The following CAMK2D variants were observed in gnomAD, a reference collection of about 807,000 sequenced individuals.
CAMK2D encodes the protein calcium/calmodulin-dependent protein kinase type II subunit delta.
In CAMK2D, 37 loss-of-function variants were observed where a neutral mutation model predicts 84.0. The ratio of observed to expected loss-of-function variants is 0.44; its 90% CI spans 0.34 to 0.58. CAMK2D has a LOEUF of 0.58. Ranked by LOEUF, CAMK2D falls within the 20% of genes least tolerant of loss-of-function variation. The pLI is 0.02. For synonymous variants in CAMK2D, 202 were observed against 212.5 expected, an observed-to-expected ratio of 0.95 and a Z score of 0.43; for missense variants, 448 against 652.5, an observed-to-expected ratio of 0.69 and a Z score of 3.41.
intron 4 of CAMK2D, among the ~76,000 whole-genome samples, chr4:113,587,738 G>C (rs979156696): frequency 2.6e-5 from 4 of 152,054 alleles, no homozygotes; most frequent in African/African-American, 9.7e-5. Context: ...TCCAAACTCT[G>C]GGCCTAAATT....
chr4:113,556,419 C>T (rs548405371), intron 4 of CAMK2D, among the ~76,000 whole-genome samples: 7 of 152,082 alleles, frequency 4.6e-5, no homozygotes, highest in African/African-American at 7.2e-5. Flanking sequence ...AAAGAATTCC[C>T]ACTTATGTGC....
intron 2 of CAMK2D, among the ~76,000 whole-genome samples, chr4:113,663,973 C>T (rs563289645): frequency 6.6e-6 from 1 of 152,146 alleles, no homozygotes; most frequent in South Asian, 2.1e-4. Context: ...AAAATGAGGT[C>T]ATTATTGTGG....
chr4:113,550,469 G>A (rs1406811529), intron 5 of CAMK2D, among the ~76,000 whole-genome samples: 1 of 152,184 alleles, frequency 6.6e-6, no homozygotes, highest in African/African-American at 2.4e-5. Context: ...CACCACATCT[G>A]ACTGAGAAAT....
chr4:113,461,751 G>A (rs926655584), intron 17 of CAMK2D, among the ~76,000 whole-genome samples: 4 of 152,130 alleles, frequency 2.6e-5, no homozygotes, highest in Non-Finnish European at 5.9e-5. Flanking sequence ...ACAGTGGATG[G>A]GGCCACATCT....
At chr4:113,613,190 A>C (rs2099007718) in intron 3 of CAMK2D, among the ~76,000 whole-genome samples, 1 of 152,196 alleles carries the variant, frequency 6.6e-6, no homozygotes, top group African/African-American at 2.4e-5. Context: ...TGCAAGCACC[A>C]CAAGGACATT....
In CAMK2D at chr4:113,547,635, A is replaced by G; in HGVS notation, c.414+9T>C. The stretch of plus-strand genomic sequence containing the variant: ...GTGGTGGTTTATCTTCTTCAACCGC[A>G]TTACTCACCTTCAGGTCCCGATGGA... On this transcript the variant is annotated intron_variant, in intron 6 of 20. Coordinates refer to ENST00000511664, the MANE Select transcript of CAMK2D (RefSeq NM_001321571.2). 6.5e-7 allele frequency: 1 copy of G among 1,541,022 alleles called. No individual in the cohort carries two copies. Among genetic ancestry groups the G allele is most frequent in the Non-Finnish European group, 8.8e-7 (1 of 1,141,586 alleles).
chr4:113,554,685 T>C (rs1002749895), intron 4 of CAMK2D, among the ~76,000 whole-genome samples: 1 of 152,156 alleles, frequency 6.6e-6, no homozygotes. Flanking sequence ...TTTTCTAACT[T>C]TAACATATTT....
intron 4 of CAMK2D, among the ~76,000 whole-genome samples, chr4:113,593,756 C>T (rs1259926306): frequency 6.6e-6 from 1 of 152,128 alleles, no homozygotes; most frequent in Non-Finnish European, 1.5e-5. Context: ...ATAGAAATCC[C>T]CAATTCTACC....
chr4:113,464,855 A>G (rs1317913743), intron 17 of CAMK2D, among the ~76,000 whole-genome samples: 1 of 152,214 alleles, frequency 6.6e-6, no homozygotes, highest in Non-Finnish European at 1.5e-5. Flanking sequence ...GCTGAAATGC[A>G]CATTTTATGT....
intron 4 of CAMK2D, among the ~76,000 whole-genome samples, chr4:113,602,739 C>T (rs1271227140): frequency 2.0e-5 from 3 of 152,170 alleles, no homozygotes; most frequent in Admixed American, 2.0e-4. Flanking sequence ...TTGAGTTACT[C>T]ATCTCTGAGT....
At chr4:113,517,303 T>G (rs1440949607) in intron 9 of CAMK2D, among the ~76,000 whole-genome samples, 3 of 152,152 alleles carry the variant, frequency 2.0e-5, no homozygotes, top group African/African-American at 7.2e-5. Flanking sequence ...TAAAATGCAC[T>G]AAGGTCCAAA....
At chr4:113,716,920 G>T (rs922132024) in intron 2 of CAMK2D, among the ~76,000 whole-genome samples, 3 of 152,088 alleles carry the variant, frequency 2.0e-5, no homozygotes, top group African/African-American at 7.2e-5. Flanking sequence ...ATACAGTTAT[G>T]AACACAAAAT....
At chr4:113,485,395 TACTA>T (rs2097756690) in intron 16 of CAMK2D, among the ~76,000 whole-genome samples, 2 of 152,212 alleles carry the variant, frequency 1.3e-5, no homozygotes, top group Admixed American at 6.5e-5. Flanking sequence ...AAGAGTAACT[TACTA>T]AATAAATGTA....
At chr4:113,474,923 AG>A (rs932158088) in intron 16 of CAMK2D, among the ~76,000 whole-genome samples, 5 of 152,218 alleles carry the variant, frequency 3.3e-5, no homozygotes, top group African/African-American at 1.2e-4. Context: ...CTGGGATTAC[AG>A]GCGTGAGCCA....
At chr4:113,668,123 GA>G (rs950336145) in intron 2 of CAMK2D, among the ~76,000 whole-genome samples, 2 of 148,564 alleles carry the variant, frequency 1.3e-5, no homozygotes, top group African/African-American at 2.5e-5. Flanking sequence ...CCCAACATTT[GA>G]AAAAAAAAAT....
At chr4:113,735,863 C>CA (rs2099580107) in intron 2 of CAMK2D, among the ~76,000 whole-genome samples, 1 of 151,864 alleles carries the variant, frequency 6.6e-6, no homozygotes, top group Non-Finnish European at 1.5e-5. Context: ...CAAATGGCAA[C>CA]AAAAAATAAG....
chr4:113,595,440 TTG>T (rs71582188), intron 4 of CAMK2D, among the ~76,000 whole-genome samples: 37,807 of 143,106 alleles, frequency 0.26, 4,948 homozygotes, highest in African/African-American at 0.35. Context: ...TTATGTATGC[TTG>T]TGTGTGTGTG....
intron 5 of CAMK2D, chr4:113,548,550 A>G (rs574437111): frequency 1.7e-6 from 1 of 573,288 alleles, no homozygotes; most frequent in African/African-American, 1.9e-5. Context: ...TTTTAGAAAC[A>G]AGTTGGGAAA....
chr4:113,524,476 T>C (rs1342056114), intron 8 of CAMK2D, among the ~76,000 whole-genome samples: 3 of 152,240 alleles, frequency 2.0e-5, no homozygotes, highest in African/African-American at 7.2e-5. Flanking sequence ...AATTTCCTTC[T>C]TTTTTAAGGT....
Sources: allele counts gnomAD v4.1 joint callset (sites outside exome capture counted in the v4.1 genomes callset), GRCh38; gene constraint gnomAD v4.1.1; transcripts MANE v1.5; gene names NCBI Gene and HGNC (gene_info 2026-07-23, HGNC 2026-07-21).